The following THOC1 variants were observed in gnomAD, a reference collection of about 807,000 sequenced individuals.
THOC1 encodes THO complex 1.
Under a neutral mutation model 97.3 loss-of-function variants are expected in THOC1, and 29 were observed. The observed-to-expected ratio is 0.30, with a 90% CI of 0.22 to 0.41. The LOEUF is 0.41. Among genes scored for constraint, THOC1 ranks in the 10% least tolerant of loss-of-function variants. The pLI is 1.00. For synonymous variants in THOC1, 255 were observed against 257.0 expected, an observed-to-expected ratio of 0.99 and a Z score of 0.07; for missense variants, 529 against 761.9, an observed-to-expected ratio of 0.69 and a Z score of 3.60.
At chr18:262,535 T>A (rs1271525963) in intron 4 of THOC1, among the ~76,000 whole-genome samples, 5 of 152,210 alleles carry the variant, frequency 3.3e-5, no homozygotes, top group African/African-American at 1.2e-4. Flanking sequence ...TTGTACAACT[T>A]CTTCATTAAA....
In THOC1 at chr18:233,217, A is replaced by G. The variant is rs558581588; in HGVS notation, c.919-6316T>C. The stretch of plus-strand genomic sequence containing the variant: ...CTTTCAATTAACCTGGAATTGATTA[A>G]CCTAGAATTGACTGTACTGAGGTAT... On this transcript the variant is annotated intron_variant, in intron 11 of 20. Transcript: ENST00000261600. Among the ~76,000 whole-genome samples, 108 of 152,336 alleles carry G rather than the reference A, an allele frequency of 7.1e-4. 2 individuals carry two copies. The highest frequency in any genetic ancestry group is 2.3e-3 in the African/African-American group (97 of 41,568).
At chr18:226,767 GT>G in intron 12 of THOC1, 33 bp downstream of exon 12, 3 of 1,511,920 alleles carry the variant, frequency 2.0e-6, no homozygotes, top group Non-Finnish European at 2.7e-6. Flanking sequence ...CTTGGCTACT[GT>G]TTACAAATTG....
At position 242,259 on chromosome 18, in the gene THOC1, C is replaced by T. The variant is rs943294134; in HGVS notation, c.918+4065G>A. ...TGGAAGGCTGAGGCAGGCAGATCAC[C>T]TGAGGCTGCGAGTTCGAGACCAGCC... On this transcript the variant is annotated intron_variant, in intron 11 of 20. Transcript: ENST00000261600. The surrounding 1 kb of genome is among the most constrained non-coding windows in gnomAD (Gnocchi z 4.5). Among the ~76,000 whole-genome samples the T allele has an allele frequency of 6.6e-6, 1 of 151,528 alleles. No individual in the cohort carries two copies. Among genetic ancestry groups the T allele is most frequent in the Non-Finnish European group, 1.5e-5 (1 of 68,014 alleles).
chr18:248,083 A>T (rs753922493), intron 9 of THOC1, 126 bp from the exon 10 acceptor site: 2 of 615,532 alleles, frequency 3.2e-6, no homozygotes, highest in Non-Finnish European at 5.4e-6. Context: ...AAAAGTACAC[A>T]TTCACAAATG....
At chr18:248,735 T>G (rs1171643067) in intron 9 of THOC1, among the ~76,000 whole-genome samples, 1 of 152,062 alleles carries the variant, frequency 6.6e-6, no homozygotes, top group Non-Finnish European at 1.5e-5. Flanking sequence ...ATCTACAGTG[T>G]CAATACATAT....
rs1430679008 is a variant in THOC1 at position 243,311 on chromosome 18, A to C, written c.918+3013T>G. Among the ~76,000 whole-genome samples, 4 of 152,360 alleles carry C rather than the reference A, an allele frequency of 2.6e-5. No homozygotes were observed. In the East Asian group the frequency reaches 7.7e-4, roughly 29 times the overall value. Reference sequence around the variant, plus strand: ...ATACTATTAGAAAGCCAAGTGTGACAAAGTGAATGGAGAATGATATAAAAG... The same window carrying C: ...ATACTATTAGAAAGCCAAGTGTGACCAAGTGAATGGAGAATGATATAAAAG... On this transcript the variant is annotated intron_variant, in intron 11 of 20. Transcript: ENST00000261600.
intron 16 of THOC1, among the ~76,000 whole-genome samples, chr18:223,874 C>G (rs778185438): frequency 6.6e-6 from 1 of 152,072 alleles, no homozygotes; most frequent in Non-Finnish European, 1.5e-5. Flanking sequence ...AGCCTAGAGA[C>G]ACAGATTTTG....
intron 8 of THOC1, among the ~76,000 whole-genome samples, chr18:253,902 A>AT (rs35294329): frequency 0.22 from 29,487 of 133,854 alleles, 3,485 homozygotes; most frequent in South Asian, 0.33. Context: ...TTTACATGAA[A>AT]TTTTTTTTTT....
intron 1 of THOC1, among the ~76,000 whole-genome samples, chr18:266,233 C>G (rs1287926272): frequency 6.6e-6 from 1 of 152,190 alleles, no homozygotes; most frequent in Non-Finnish European, 1.5e-5. Context: ...CATCTTATTA[C>G]CTCACAGGAA....
intron 11 of THOC1, among the ~76,000 whole-genome samples, chr18:237,894 T>C (rs1567849152): frequency 6.6e-6 from 1 of 151,766 alleles, no homozygotes; most frequent in Non-Finnish European, 1.5e-5. Context: ...TGAGATGGAG[T>C]CTCACTCTGT....
chr18:263,290 A>C (rs1449782425), intron 4 of THOC1, among the ~76,000 whole-genome samples: 1 of 151,970 alleles, frequency 6.6e-6, no homozygotes, highest in Non-Finnish European at 1.5e-5. Flanking sequence ...CGTGTTAGCC[A>C]GGATGGTCTC....
At chr18:256,271 T>C (rs1045136055) in intron 7 of THOC1, among the ~76,000 whole-genome samples, 4 of 152,204 alleles carry the variant, frequency 2.6e-5, no homozygotes, top group African/African-American at 9.6e-5. Flanking sequence ...CAAATCTAGA[T>C]GCCATAAAGA....
At chr18:264,304 C>A (rs968398284) in intron 3 of THOC1, among the ~76,000 whole-genome samples, 3 of 152,148 alleles carry the variant, frequency 2.0e-5, no homozygotes, top group African/African-American at 7.2e-5. Context: ...AAGTAACAGG[C>A]AACTCACTCA....
At chr18:239,463 C>A (rs1911821421) in intron 11 of THOC1, among the ~76,000 whole-genome samples, 3 of 152,226 alleles carry the variant, frequency 2.0e-5, no homozygotes, top group South Asian at 4.2e-4. Flanking sequence ...TGCCACCACG[C>A]CCGGCTAATT....
At chr18:229,565 T>G (rs1180392228) in intron 11 of THOC1, among the ~76,000 whole-genome samples, 1 of 151,358 alleles carries the variant, frequency 6.6e-6, no homozygotes, top group Non-Finnish European at 1.5e-5. Flanking sequence ...GCCCTGTAAT[T>G]CCAGCTACTC....
In THOC1 at chr18:229,453, G is replaced by A. The variant is rs80257292; in HGVS notation, c.919-2552C>T. 0.027 allele frequency among the ~76,000 whole-genome samples: 4,178 copies of A among 152,048 alleles called. 364 individuals carry two copies. The East Asian group carries it at 0.31, about 11-fold the overall frequency. ...TCCCAGCACTTTGGGAGGCTGAGGCGGGCGGATCACAAGATCAGGAGTTCG... is the reference window on the plus strand; with the variant it reads ...TCCCAGCACTTTGGGAGGCTGAGGCAGGCGGATCACAAGATCAGGAGTTCG... On this transcript the variant is annotated intron_variant, in intron 11 of 20. Transcript: ENST00000261600.
chr18:239,135 A>G (rs1383475194), intron 11 of THOC1, among the ~76,000 whole-genome samples: 1 of 152,242 alleles, frequency 6.6e-6, no homozygotes, highest in African/African-American at 2.4e-5. Context: ...TGGTTTTCAT[A>G]AATCTCAGAC....
chr18:228,931 C>G (rs1911389340), intron 11 of THOC1, among the ~76,000 whole-genome samples: 1 of 152,208 alleles, frequency 6.6e-6, no homozygotes. Context: ...ATTTTCAACC[C>G]TTTCCACTTA....
At chr18:227,893 G>A (rs957867130) in intron 11 of THOC1, among the ~76,000 whole-genome samples, 7 of 152,034 alleles carry the variant, frequency 4.6e-5, no homozygotes, top group African/African-American at 9.7e-5. Flanking sequence ...TACCTAACAC[G>A]CACAAGCCTC....
Sources: allele counts gnomAD v4.1 joint callset (sites outside exome capture counted in the v4.1 genomes callset), GRCh38; gene constraint gnomAD v4.1.1; non-coding constraint Gnocchi (gnomAD v3.1); transcripts MANE v1.5; gene names NCBI Gene and HGNC (gene_info 2026-07-23, HGNC 2026-07-21).